Variants in CTNNA3 observed in about 807,000 individuals in gnomAD.
The protein encoded by CTNNA3 is catenin alpha 3.
CTNNA3 carries 76 observed loss-of-function variants against 95.7 expected under a neutral mutation model. That is an observed-to-expected ratio of 0.79 (90% CI 0.66 to 0.96). The LOEUF (loss-of-function observed/expected upper bound fraction) is 0.96. Among genes scored for constraint, CTNNA3 ranks in the 40% least tolerant of loss-of-function variants. CTNNA3 has a pLI of 0.00. For synonymous variants in CTNNA3, 431 were observed against 374.4 expected (o/e 1.15, Z -1.74); for missense variants, 1,191 against 1,089.8 (o/e 1.09, Z -1.31).
chr10:66,654,224 C>T lies in CTNNA3; in HGVS notation c.1282-32440G>A, dbSNP rs775048286. Among the ~76,000 whole-genome samples, 52 of 151,746 alleles carry T rather than the reference C, an allele frequency of 3.4e-4. No homozygotes were observed. In the Middle Eastern group the frequency reaches 0.01, roughly 30 times the overall value. ...CCATATATCTGATAAGGAGTTAATA[C>T]CAAAAATGTATGTGAAACTCCTCAA... On this transcript the variant is annotated intron_variant, in intron 9 of 17. Transcript: ENST00000433211.
At chr10:66,791,986 C>A (rs1840990477) in intron 7 of CTNNA3, among the ~76,000 whole-genome samples, 1 of 152,122 alleles carries the variant, frequency 6.6e-6, no homozygotes, top group Non-Finnish European at 1.5e-5. Flanking sequence ...AACACCACTT[C>A]TATAGAACTA....
At chr10:66,216,133 A>C (rs2088516919) in intron 13 of CTNNA3, among the ~76,000 whole-genome samples, 1 of 152,252 alleles carries the variant, frequency 6.6e-6, no homozygotes, top group Non-Finnish European at 1.5e-5. Flanking sequence ...GTTAGGGTAA[A>C]TCCTGCCCTT....
Position 67,025,155 on chromosome 10 carries a change from AG to A in CTNNA3, c.1047+155161del, listed in dbSNP as rs1287142993. Among the ~76,000 whole-genome samples the A allele has an allele frequency of 5.8e-3, 870 of 149,978 alleles. 14 individuals are homozygous for A. The highest frequency in any genetic ancestry group is 0.021 in the African/African-American group (838 of 40,308). On this transcript the variant is annotated intron_variant, in intron 7 of 17. Transcript: ENST00000433211. ...AAAAACAAAAAAAAAAAAGAAAGAA[AG>A]GAAGGAAGGAAGGAAGGAAAGAAAG... is the stretch of plus-strand genomic sequence containing the variant.
intron 7 of CTNNA3, among the ~76,000 whole-genome samples, chr10:67,105,207 G>T (rs1171062429): frequency 1.4e-5 from 2 of 139,866 alleles, no homozygotes; most frequent in Non-Finnish European, 3.1e-5. Context: ...AGAGAAATGT[G>T]GTATTTGTGA....
chr10:66,795,712 G>T (rs2132217740), intron 7 of CTNNA3, among the ~76,000 whole-genome samples: 1 of 152,284 alleles, frequency 6.6e-6, no homozygotes, highest in African/African-American at 2.4e-5. Flanking sequence ...TCTTCCATGA[G>T]ACTATTTTGT....
chr10:67,675,271 C>T lies in CTNNA3; in HGVS notation c.-6+20729G>A, dbSNP rs1375821410. ...TATGAGTCAACTATTTTGACAATAA[C>T]ACCATATAAAAAAAACTACCACTGA... On this transcript the variant is annotated intron_variant, in intron 1 of 17. Coordinates refer to ENST00000433211, the MANE Select transcript of CTNNA3 (RefSeq NM_013266.4). 2.6e-5 allele frequency among the ~76,000 whole-genome samples: 4 copies of T among 152,040 alleles called. No individual in the cohort carries two copies. In the East Asian group the frequency reaches 7.7e-4, roughly 29 times the overall value.
At chr10:66,645,288 G>A (rs550393570) in intron 9 of CTNNA3, among the ~76,000 whole-genome samples, 23 of 151,850 alleles carry the variant, frequency 1.5e-4, no homozygotes, top group Non-Finnish European at 2.8e-4. Context: ...CCTAGATCCC[G>A]AATATTTTTT....
At chr10:67,201,265 C>G (rs1021884760) in intron 6 of CTNNA3, among the ~76,000 whole-genome samples, 2 of 152,158 alleles carry the variant, frequency 1.3e-5, no homozygotes, top group Non-Finnish European at 2.9e-5. Context: ...TTTTTCAAAA[C>G]TCATGGATAT....
At chr10:66,581,418 T>TC (rs1164248578) in intron 10 of CTNNA3, among the ~76,000 whole-genome samples, 1 of 151,070 alleles carries the variant, frequency 6.6e-6, no homozygotes, top group Non-Finnish European at 1.5e-5. Context: ...TGGGGATTTT[T>TC]TTTTTTGACT....
intron 7 of CTNNA3, among the ~76,000 whole-genome samples, chr10:66,843,065 G>A (rs56186337): frequency 0.22 from 33,140 of 152,044 alleles, 3,952 homozygotes; most frequent in African/African-American, 0.31. Context: ...CCTAGACAGA[G>A]ACAGAGGTTG....
At chr10:66,800,522 TG>T (rs780981411) in intron 7 of CTNNA3, among the ~76,000 whole-genome samples, 6 of 151,056 alleles carry the variant, frequency 4.0e-5, no homozygotes, top group East Asian at 3.9e-4. Flanking sequence ...CACTTATCTA[TG>T]AAAAAAATAC....
At chr10:66,607,472 CAAAAAAA>C (rs574854850) in intron 10 of CTNNA3, among the ~76,000 whole-genome samples, 39 of 45,290 alleles carry the variant, frequency 8.6e-4, no homozygotes, top group South Asian at 4.3e-3. Context: ...CAGAGACAAC[CAAAAAAA>C]AAAAAAAAAA....
chr10:67,230,833 G>A (rs72641202), intron 5 of CTNNA3, among the ~76,000 whole-genome samples: 8 of 152,342 alleles, frequency 5.3e-5, no homozygotes, highest in Middle Eastern at 3.4e-3. Flanking sequence ...TGCGCGAGCC[G>A]AAGCAGGGTG....
At chr10:66,694,904 C>T (rs1227271810) in intron 9 of CTNNA3, among the ~76,000 whole-genome samples, 1 of 152,112 alleles carries the variant, frequency 6.6e-6, no homozygotes, top group African/African-American at 2.4e-5. Context: ...AGAAATTATA[C>T]TAAATTTCTT....
In CTNNA3 at chr10:67,026,730, A is replaced by T. The variant is rs543456232; in HGVS notation, c.1047+153587T>A. ...CGAAAAAGTATATTAACGTTCATTT[A>T]AAACCTCTTCTGTCTGGTTCTTAGT... On this transcript the variant is annotated intron_variant, in intron 7 of 17. Transcript: ENST00000433211. Among the ~76,000 whole-genome samples the T allele has an allele frequency of 4.6e-5, 7 of 152,322 alleles. No individual in the cohort carries two copies. The East Asian group carries it at 1.4e-3, about 29-fold the overall frequency.
chr10:67,024,231 T>A (rs538229343), intron 7 of CTNNA3, among the ~76,000 whole-genome samples: 13 of 152,316 alleles, frequency 8.5e-5, no homozygotes, highest in Admixed American at 7.8e-4. Flanking sequence ...ATGTGGCATC[T>A]TCAAATTTTT....
At chr10:66,473,483 T>C (rs1839207544) in intron 11 of CTNNA3, among the ~76,000 whole-genome samples, 1 of 152,012 alleles carries the variant, frequency 6.6e-6, no homozygotes. Context: ...TAAACCTCTT[T>C]CCTTTATAAA....
intron 15 of CTNNA3, among the ~76,000 whole-genome samples, chr10:66,033,401 C>T (rs571850715): frequency 3.3e-5 from 5 of 152,274 alleles, no homozygotes; most frequent in East Asian, 1.9e-4. Flanking sequence ...TCCCGAAGTG[C>T]TGGGATTACA....
upstream of CTNNA3, among the ~76,000 whole-genome samples, chr10:67,697,265 G>C (rs1487220054): frequency 6.6e-6 from 1 of 152,114 alleles, no homozygotes; most frequent in African/African-American, 2.4e-5. Context: ...TTTTAAAGCA[G>C]CTTTTTCCCC....
Sources: gnomAD v4.1 joint callset for allele counts (sites outside exome capture counted in the v4.1 genomes callset) on GRCh38, gnomAD v4.1.1 for gene constraint, MANE v1.5 for transcripts, NCBI Gene and HGNC (gene_info 2026-07-23, HGNC 2026-07-21) for gene names.